Variants in TM7SF3 observed in about 807,000 individuals in gnomAD.
TM7SF3 encodes seven span transmembrane protein.
TM7SF3 carries 60 observed loss-of-function variants against 65.5 expected under a neutral mutation model. The ratio of observed to expected loss-of-function variants is 0.92; its 90% CI spans 0.74 to 1.14. TM7SF3 has a LOEUF of 1.14. Among genes scored for constraint, TM7SF3 ranks in the 50% most tolerant of loss-of-function variants. The pLI, the probability that TM7SF3 is intolerant of heterozygous loss-of-function variation, is 0.00. For synonymous variants in TM7SF3, 264 were observed against 259.6 expected, an observed-to-expected ratio of 1.02 and a Z score of -0.16; for missense variants, 623 against 684.8, an observed-to-expected ratio of 0.91 and a Z score of 1.01.
At chr12:26,997,408 T>C (rs1592300863) in intron 3 of TM7SF3, among the ~76,000 whole-genome samples, 1 of 152,186 alleles carries the variant, frequency 6.6e-6, no homozygotes, top group Non-Finnish European at 1.5e-5. Flanking sequence ...TCTTCTTTCA[T>C]ACTCTCCTTT....
At chr12:27,004,984 G>C (rs549239267) in intron 1 of TM7SF3, among the ~76,000 whole-genome samples, 4 of 152,264 alleles carry the variant, frequency 2.6e-5, no homozygotes, top group African/African-American at 9.6e-5. Flanking sequence ...GAAAAAGTTT[G>C]TGTGCACGTG....
At chr12:26,979,426 A>T in intron 9 of TM7SF3, 1 of 207,310 alleles carries the variant, frequency 4.8e-6, no homozygotes, top group Non-Finnish European at 9.9e-6. Context: ...GTGGAGGTTG[A>T]GGGTACAACA....
In TM7SF3 at chr12:27,002,189, G is replaced by A. The variant is rs980382421; in HGVS notation, c.246+1047C>T. Among the ~76,000 whole-genome samples, 30 of 152,082 alleles carry A rather than the reference G, an allele frequency of 2.0e-4. 1 individual carries two copies. The highest frequency in any genetic ancestry group is 5.1e-4 in the African/African-American group (21 of 41,412). On this transcript the variant is annotated intron_variant, in intron 2 of 11. Transcript: ENST00000343028. ...TCTAATATTATATATGGGCTGGGGC[G>A]CAGTGGCTCATGCCTGCAATCCCAG...
At chr12:26,993,865 T>A (rs1481424366) in intron 5 of TM7SF3, among the ~76,000 whole-genome samples, 1 of 152,192 alleles carries the variant, frequency 6.6e-6, no homozygotes, top group African/African-American at 2.4e-5. Context: ...TTTAGAGTAA[T>A]TTGCTGTAAG....
chr12:27,000,741 G>T (rs1373245325), intron 2 of TM7SF3, among the ~76,000 whole-genome samples: 1 of 152,168 alleles, frequency 6.6e-6, no homozygotes, highest in African/African-American at 2.4e-5. Flanking sequence ...TTACAGGCGT[G>T]AGCCACCGTG....
intron 1 of TM7SF3, among the ~76,000 whole-genome samples, chr12:27,004,480 A>G (rs1940955438): frequency 6.6e-6 from 1 of 152,228 alleles, no homozygotes; most frequent in South Asian, 2.1e-4. Flanking sequence ...TTAGAAGGTA[A>G]TTAGAGTCAG....
At chr12:26,982,717 C>A in intron 7 of TM7SF3, 56 bp downstream of exon 7, 1 of 1,272,694 alleles carries the variant, frequency 7.9e-7, no homozygotes. Context: ...AGGTCATTCC[C>A]CAGCAACACT....
Position 26,990,641 on chromosome 12 carries a change from T to C in TM7SF3, c.691-14A>G. The C allele has an allele frequency of 6.2e-7, 1 of 1,609,390 alleles. No homozygotes were observed. On this transcript the variant is annotated splice_polypyrimidine_tract_variant and intron_variant, in intron 5 of 11. Coordinates refer to ENST00000343028, the MANE Select transcript of TM7SF3 (RefSeq NM_016551.3). ...TAGGGTAACCACCTGAAGCCAAAAA[T>C]AACACATGATTAGTGTTTAGGGGAT...
At chr12:27,000,062 T>C (rs992702923) in intron 2 of TM7SF3, among the ~76,000 whole-genome samples, 1 of 152,192 alleles carries the variant, frequency 6.6e-6, no homozygotes, top group Non-Finnish European at 1.5e-5. Context: ...TATCCTCACA[T>C]GACAGAGAAA....
At chr12:26,979,004 G>GAC (rs1365436422) in intron 9 of TM7SF3, 1 of 151,974 alleles carries the variant, frequency 6.6e-6, no homozygotes, top group Non-Finnish European at 1.5e-5. Flanking sequence ...AGACTATCCA[G>GAC]TAGTCTTAGA....
intron 1 of TM7SF3, among the ~76,000 whole-genome samples, chr12:27,013,458 T>C (rs1335961544): frequency 6.6e-6 from 1 of 152,260 alleles, no homozygotes; most frequent in African/African-American, 2.4e-5. Context: ...GGTATACACA[T>C]TCTATCTGTA....
At chr12:26,995,920 T>G (rs1940573867) in intron 4 of TM7SF3, among the ~76,000 whole-genome samples, 1 of 152,044 alleles carries the variant, frequency 6.6e-6, no homozygotes, top group African/African-American at 2.4e-5. Flanking sequence ...CACCACAAAC[T>G]AAGACAAACA....
chr12:26,994,012 T>G (rs900359798), intron 5 of TM7SF3, among the ~76,000 whole-genome samples: 4 of 152,202 alleles, frequency 2.6e-5, no homozygotes. Context: ...CCTGAATCTC[T>G]TTGACATACC....
intron 1 of TM7SF3, among the ~76,000 whole-genome samples, chr12:27,006,324 G>T (rs1245959556): frequency 6.8e-6 from 1 of 147,182 alleles, no homozygotes; most frequent in Non-Finnish European, 1.5e-5. Context: ...TTTTTAGTAG[G>T]GACTGGGTTT....
chr12:27,001,454 C>T (rs1185176427), intron 2 of TM7SF3, among the ~76,000 whole-genome samples: 1 of 152,176 alleles, frequency 6.6e-6, no homozygotes, highest in East Asian at 1.9e-4. Flanking sequence ...AAACCAAACA[C>T]AGGGGTTCCT....
chr12:27,008,617 C>A (rs1050244192), intron 1 of TM7SF3, among the ~76,000 whole-genome samples: 8 of 152,122 alleles, frequency 5.3e-5, no homozygotes, highest in African/African-American at 1.9e-4. Context: ...AAGATACATT[C>A]CCATGTTAAC....
rs1320989237 is a variant in TM7SF3, at chr12:26,980,666, G to A, written c.956-20C>T. On this transcript the variant is annotated intron_variant, in intron 7 of 11. Transcript: ENST00000343028. ...ATAATTCTAAGTGGCAAACCACCAG[G>A]AAAGGAAAAAAGCAAAACAACAAAA... 7.0e-7 allele frequency: 1 copy of A among 1,426,642 alleles called. No homozygotes were observed. The highest frequency in any genetic ancestry group is 9.7e-7 in the Non-Finnish European group (1 of 1,035,450). The allele number at this position is 1,426,642 out of a possible 1,614,324, so 88.4% of individuals were successfully genotyped here.
At chr12:27,011,463 G>A (rs1941241762) in intron 1 of TM7SF3, among the ~76,000 whole-genome samples, 1 of 152,182 alleles carries the variant, frequency 6.6e-6, no homozygotes, top group Non-Finnish European at 1.5e-5. Flanking sequence ...AGACATTCTA[G>A]GAACTCCATC....
At chr12:26,996,990 T>C in intron 3 of TM7SF3, 128 bp from the exon 4 acceptor site, 2 of 983,502 alleles carry the variant, frequency 2.0e-6, no homozygotes, top group Non-Finnish European at 2.9e-6. Flanking sequence ...ACGTAGAGCT[T>C]CTAGTCGTAT....
Sources: allele counts gnomAD v4.1 joint callset (sites outside exome capture counted in the v4.1 genomes callset), GRCh38; gene constraint gnomAD v4.1.1; transcripts MANE v1.5; gene names NCBI Gene and HGNC (gene_info 2026-07-23, HGNC 2026-07-21).